The following GPR139 variants were observed in gnomAD, a reference collection of about 807,000 sequenced individuals.
GPR139 encodes the protein probable G protein-coupled receptor 139.
Under a neutral mutation model 25.8 loss-of-function variants are expected in GPR139, and 12 were observed. That is an observed-to-expected ratio of 0.47 (90% CI 0.30 to 0.75). The LOEUF is 0.75. GPR139 is among the 30% of genes least tolerant of loss of function. The probability of loss-of-function intolerance (pLI) is 0.07; values close to 1 mark genes in which losing one functional copy is unlikely to be tolerated. For missense variants in GPR139, 380 were observed against 450.2 expected (o/e 0.84, Z 1.41); for synonymous variants, 184 against 179.9 (o/e 1.02, Z -0.18).
intron 1 of GPR139, among the ~76,000 whole-genome samples, chr16:20,052,502 T>A (rs2057375760): frequency 1.3e-5 from 2 of 152,136 alleles, no homozygotes; most frequent in African/African-American, 4.8e-5. Context: ...ATCTTTATAA[T>A]AAAAAATAAT....
In GPR139 at chr16:20,030,250, A is replaced by G. The variant is rs2057282805; in HGVS notation, c.*1485T>C. On this transcript the variant is annotated 3_prime_UTR_variant, in exon 2 of 2. Coordinates refer to ENST00000570682, the MANE Select transcript of GPR139 (RefSeq NM_001002911.4). ...AATGCAGTAAAAATCCAGCCTGAGGAACTAAATATTCCAGGTGGACTGTCT... is the reference window on the plus strand; with the variant it reads ...AATGCAGTAAAAATCCAGCCTGAGGGACTAAATATTCCAGGTGGACTGTCT... 6.6e-6 allele frequency among the ~76,000 whole-genome samples: 1 copy of G among 152,222 alleles called. No individual in the cohort carries two copies. The highest frequency in any genetic ancestry group is 6.5e-5 in the Admixed American group (1 of 15,290).
intron 1 of GPR139, among the ~76,000 whole-genome samples, chr16:20,045,929 G>C (rs1468870553): frequency 6.6e-6 from 1 of 152,170 alleles, no homozygotes. Flanking sequence ...TGGACACAGG[G>C]GTGAAGGTTA....
intron 1 of GPR139, among the ~76,000 whole-genome samples, chr16:20,064,123 G>A (rs2057423449): frequency 6.6e-6 from 1 of 152,162 alleles, no homozygotes; most frequent in South Asian, 2.1e-4. Context: ...TTTTCCACCA[G>A]GTCACTCCCT....
chr16:20,066,880 G>A (rs1478478627), intron 1 of GPR139, among the ~76,000 whole-genome samples: 1 of 152,182 alleles, frequency 6.6e-6, no homozygotes, highest in African/African-American at 2.4e-5. Flanking sequence ...AGAAACTGAG[G>A]CTCAGAGAAG....
At chr16:20,062,331 G>A (rs1399207569) in intron 1 of GPR139, among the ~76,000 whole-genome samples, 2 of 152,168 alleles carry the variant, frequency 1.3e-5, no homozygotes, top group African/African-American at 4.8e-5. Context: ...ACTCCAGAGG[G>A]CTGTCTTCCT....
intron 1 of GPR139, among the ~76,000 whole-genome samples, chr16:20,038,371 A>ATG: frequency 2.9e-5 from 1 of 33,954 alleles, no homozygotes; most frequent in Non-Finnish European, 9.4e-5. Context: ...GTGTGTGTGT[A>ATG]TTCTATAGAG....
intron 1 of GPR139, among the ~76,000 whole-genome samples, chr16:20,072,655 G>A (rs963171398): frequency 2.6e-5 from 4 of 151,996 alleles, no homozygotes; most frequent in African/African-American, 7.3e-5. Context: ...CCTCCTTCTC[G>A]GCAGCTCAGC....
intron 1 of GPR139, among the ~76,000 whole-genome samples, chr16:20,067,132 C>G (rs2057437289): frequency 1.3e-5 from 2 of 152,206 alleles, no homozygotes; most frequent in Admixed American, 1.3e-4. Context: ...CACTCAATCT[C>G]ACAAAGCAAA....
At chr16:20,070,712 G>C (rs1463190115) in intron 1 of GPR139, among the ~76,000 whole-genome samples, 1 of 152,200 alleles carries the variant, frequency 6.6e-6, no homozygotes, top group South Asian at 2.1e-4. Flanking sequence ...GAAACTTGGG[G>C]TGAGTCCACT....
chr16:20,039,144 C>A (rs868554), intron 1 of GPR139, among the ~76,000 whole-genome samples: 1 of 152,084 alleles, frequency 6.6e-6, no homozygotes, highest in African/African-American at 2.4e-5. Context: ...GACTGCAAAG[C>A]TTCTTGGTTA....
At chr16:20,061,200 T>A (rs1178657049) in intron 1 of GPR139, among the ~76,000 whole-genome samples, 1 of 146,642 alleles carries the variant, frequency 6.8e-6, no homozygotes, top group Non-Finnish European at 1.5e-5. Context: ...GATGGATGGA[T>A]GGATGGATGG....
intron 1 of GPR139, among the ~76,000 whole-genome samples, chr16:20,072,390 G>A (rs531992193): frequency 1.3e-5 from 2 of 152,290 alleles, no homozygotes; most frequent in South Asian, 2.1e-4. Context: ...TCCCAGGATC[G>A]CAAGATGCTA....
intron 1 of GPR139, among the ~76,000 whole-genome samples, chr16:20,065,523 G>C (rs537971426): frequency 6.6e-6 from 1 of 152,274 alleles, no homozygotes; most frequent in East Asian, 1.9e-4. Flanking sequence ...GTGTCTCAAA[G>C]TTCTCACCTG....
chr16:20,041,599 T>C (rs766966833), intron 1 of GPR139, among the ~76,000 whole-genome samples: 2 of 152,042 alleles, frequency 1.3e-5, no homozygotes, highest in African/African-American at 2.4e-5. Context: ...CAAGACTCAG[T>C]GGTCAGTCTT....
intron 1 of GPR139, among the ~76,000 whole-genome samples, chr16:20,049,268 T>G (rs1413541963): frequency 6.6e-6 from 1 of 152,194 alleles, no homozygotes; most frequent in Non-Finnish European, 1.5e-5. Flanking sequence ...CAAGGCTCTC[T>G]CTGTGTGACA....
chr16:20,073,708 G>C lies in GPR139; in HGVS notation c.-92C>G. 7.0e-7 allele frequency: 1 copy of C among 1,437,794 alleles called. No homozygotes were observed. The highest frequency in any genetic ancestry group is 9.2e-7 in the Non-Finnish European group (1 of 1,088,396). 89.1% of individuals were successfully genotyped at this position (1,437,794 alleles called of 1,614,324 possible). ...CGGTGGTGGCGGCGGCGGAGGCAGCGGCAGCTGGAGCAGCAGCGCCTCTCT... is the reference window on the plus strand; with the variant it reads ...CGGTGGTGGCGGCGGCGGAGGCAGCCGCAGCTGGAGCAGCAGCGCCTCTCT... On this transcript the variant is annotated 5_prime_UTR_variant, in exon 1 of 2. Transcript: ENST00000570682. This position sits in a 1 kb window ranked among gnomAD's most constrained non-coding sequence, Gnocchi z 4.7.
chr16:20,032,518 G>A lies in GPR139; in HGVS notation c.279C>T (p.Asn93=), dbSNP rs1355950374. Residue 93 remains asparagine (N), a synonymous_variant, in exon 2 of 2, where the codon AAC becomes AAT. Coordinates refer to ENST00000570682, the MANE Select transcript of GPR139 (RefSeq NM_001002911.4). Reference sequence around the variant, plus strand: ...TGTCGGGGACCTGAGGCATCTGCATGTTCAAGATGAAATCTTCCAACAGGA... The same window carrying A: ...TGTCGGGGACCTGAGGCATCTGCATATTCAAGATGAAATCTTCCAACAGGA... The part of the protein sequence containing the change: ...VDFLLEDFIL[N]MQMPQVPDKI... 1 of 1,614,170 alleles carries A rather than the reference G, an allele frequency of 6.2e-7. No individual in the cohort carries two copies. The highest frequency in any genetic ancestry group is 8.5e-7 in the Non-Finnish European group (1 of 1,180,018).
intron 1 of GPR139, among the ~76,000 whole-genome samples, chr16:20,035,104 T>C (rs1221260937): frequency 1.3e-5 from 2 of 152,218 alleles, no homozygotes; most frequent in East Asian, 1.9e-4. Flanking sequence ...AGATTCCCAA[T>C]AGCAGAATAT....
At position 20,073,641 on chromosome 16, in the gene GPR139, C is replaced by A. The variant is rs375447311; in HGVS notation, c.-25G>T. On this transcript the variant is annotated 5_prime_UTR_variant, in exon 1 of 2. Transcript: ENST00000570682. The surrounding 1 kb of genome is among the most constrained non-coding windows in gnomAD (Gnocchi z 4.7). Reference sequence around the variant, plus strand: ...TGAGCGCGCCCCTCGCTCCCCTTGCCGCTTCGCGCCCGGCCTGCCAGCCCG... The same window carrying A: ...TGAGCGCGCCCCTCGCTCCCCTTGCAGCTTCGCGCCCGGCCTGCCAGCCCG... 1.3e-6 allele frequency: 2 copies of A among 1,545,882 alleles called. No individual in the cohort carries two copies. The highest frequency in any genetic ancestry group is 1.7e-6 in the Non-Finnish European group (2 of 1,144,184).
Sources: allele counts gnomAD v4.1 joint callset (sites outside exome capture counted in the v4.1 genomes callset), GRCh38; gene constraint gnomAD v4.1.1; non-coding constraint Gnocchi (gnomAD v3.1); transcripts MANE v1.5; gene names NCBI Gene and HGNC (gene_info 2026-07-23, HGNC 2026-07-21).